Variants in DOK5 observed in about 807,000 individuals in gnomAD.
DOK5 encodes the protein downstream of tyrosine kinase 5.
Under a neutral mutation model 43.3 loss-of-function variants are expected in DOK5, and 27 were observed. The observed-to-expected ratio is 0.62, with a 90% CI of 0.46 to 0.86. The LOEUF is 0.86. DOK5 is among the 40% of genes least tolerant of loss of function. The pLI, the probability that DOK5 is intolerant of heterozygous loss-of-function variation, is 0.00. For synonymous variants in DOK5, 146 were observed against 140.1 expected (o/e 1.04, Z -0.30); for missense variants, 373 against 392.9 (o/e 0.95, Z 0.43).
intron 6 of DOK5, among the ~76,000 whole-genome samples, chr20:54,610,786 A>G (rs924430178): frequency 4.6e-5 from 7 of 152,356 alleles, no homozygotes; most frequent in Admixed American, 2.6e-4. Flanking sequence ...ACAGACATCT[A>G]TAGACACAAC....
chr20:54,601,703 T>C (rs1013279844), intron 5 of DOK5, among the ~76,000 whole-genome samples: 2 of 152,168 alleles, frequency 1.3e-5, no homozygotes, highest in Non-Finnish European at 2.9e-5. Flanking sequence ...GGCCACAGTG[T>C]GGCCCTGCAC....
chr20:54,598,820 A>G (rs1986221413), intron 5 of DOK5, among the ~76,000 whole-genome samples: 1 of 152,210 alleles, frequency 6.6e-6, no homozygotes, highest in Non-Finnish European at 1.5e-5. Flanking sequence ...GCGGTTTTTG[A>G]AAAAGATTTT....
At chr20:54,517,703 T>A (rs568878209) in intron 1 of DOK5, among the ~76,000 whole-genome samples, 105 of 152,258 alleles carry the variant, frequency 6.9e-4, no homozygotes, top group Admixed American at 1.6e-3. Flanking sequence ...AATGTGGAAA[T>A]CCTAACCCCC....
intron 1 of DOK5, among the ~76,000 whole-genome samples, chr20:54,505,023 C>T (rs921909919): frequency 1.3e-5 from 2 of 152,072 alleles, no homozygotes; most frequent in African/African-American, 4.8e-5. Context: ...CGGTGGCATT[C>T]CCCAAGTGGT....
At chr20:54,543,476 C>T (rs1444450618) in intron 1 of DOK5, among the ~76,000 whole-genome samples, 1 of 151,892 alleles carries the variant, frequency 6.6e-6, no homozygotes, top group East Asian at 1.9e-4. Context: ...GCAGGTAATT[C>T]TCAAAAGGTA....
intron 1 of DOK5, among the ~76,000 whole-genome samples, chr20:54,538,384 GA>G (rs1010625551): frequency 3.3e-5 from 5 of 152,000 alleles, no homozygotes; most frequent in Admixed American, 6.6e-5. Context: ...TGTCCTTCAG[GA>G]ATGAAGGGGA....
chr20:54,586,100 C>T (rs1432161057), intron 2 of DOK5, among the ~76,000 whole-genome samples: 1 of 152,172 alleles, frequency 6.6e-6, no homozygotes, highest in Admixed American at 6.5e-5. Flanking sequence ...CAGAGAAAGA[C>T]TCCATCTCAA....
At chr20:54,531,997 A>T (rs1983789902) in intron 1 of DOK5, among the ~76,000 whole-genome samples, 1 of 152,176 alleles carries the variant, frequency 6.6e-6, no homozygotes, top group Non-Finnish European at 1.5e-5. Context: ...TAATTGATTT[A>T]TGCAGCAAGC....
rs2904385 is a variant in DOK5 at position 54,618,848 on chromosome 20, T to C, written c.735+8325T>C. Among the ~76,000 whole-genome samples, 413 of 151,214 alleles carry C rather than the reference T, an allele frequency of 2.7e-3. 3 individuals carry two copies. The highest frequency in any genetic ancestry group is 9.4e-3 in the African/African-American group (386 of 41,248). On this transcript the variant is annotated intron_variant, in intron 6 of 7. Coordinates refer to ENST00000262593, the MANE Select transcript of DOK5 (RefSeq NM_018431.5). ...ACCTGGGAAACATAGGGAGACCCCA[T>C]CTCTAGAAATATTTAAAAATTAGCC...
At chr20:54,624,548 C>G (rs1371409558) in intron 6 of DOK5, among the ~76,000 whole-genome samples, 1 of 152,140 alleles carries the variant, frequency 6.6e-6, no homozygotes, top group Non-Finnish European at 1.5e-5. Flanking sequence ...AATACCAAGT[C>G]CAGTTCTCTC....
intron 1 of DOK5, among the ~76,000 whole-genome samples, chr20:54,530,840 A>G (rs906709164): frequency 6.6e-6 from 1 of 152,100 alleles, no homozygotes; most frequent in Non-Finnish European, 1.5e-5. Context: ...TACACCCATT[A>G]TTTCCCAAAT....
intron 2 of DOK5, among the ~76,000 whole-genome samples, chr20:54,579,222 T>C (rs564077149): frequency 5.9e-5 from 9 of 152,322 alleles, no homozygotes; most frequent in African/African-American, 1.9e-4. Flanking sequence ...ACTTTTCTTA[T>C]TACCATATTA....
intron 4 of DOK5, among the ~76,000 whole-genome samples, 163 bp downstream of exon 4, chr20:54,588,969 A>AT (rs1454842774): frequency 6.6e-6 from 1 of 152,114 alleles, no homozygotes; most frequent in African/African-American, 2.4e-5. Context: ...ATTTCAGTGT[A>AT]TTTTTTTCTT....
rs148068833 is a variant in DOK5, at chr20:54,584,081, C to G, written c.175-4402C>G. On this transcript the variant is annotated intron_variant, in intron 2 of 7. Coordinates refer to ENST00000262593, the MANE Select transcript of DOK5 (RefSeq NM_018431.5). ...AGGAGAATTGCTTGAACCCAGGAGG[C>G]AGAGGTTAGCTGAGATCACACCACT... is the stretch of plus-strand genomic sequence containing the variant. Among the ~76,000 whole-genome samples the G allele has an allele frequency of 9.0e-3, 1,364 of 152,052 alleles. 21 individuals carry two copies. The highest frequency in any genetic ancestry group is 0.032 in the African/African-American group (1,307 of 41,482).
At chr20:54,524,036 A>T (rs1450223806) in intron 1 of DOK5, among the ~76,000 whole-genome samples, 1 of 152,022 alleles carries the variant, frequency 6.6e-6, no homozygotes, top group African/African-American at 2.4e-5. Flanking sequence ...CGTTTGTTAA[A>T]TGGGGGTTAA....
chr20:54,617,888 T>G (rs1363231826), intron 6 of DOK5, among the ~76,000 whole-genome samples: 5 of 152,274 alleles, frequency 3.3e-5, no homozygotes, highest in Non-Finnish European at 7.3e-5. Flanking sequence ...ATAGCCACTG[T>G]TATTTTTCAG....
At chr20:54,605,062 C>CAT (rs1986430125) in intron 5 of DOK5, among the ~76,000 whole-genome samples, 1 of 149,738 alleles carries the variant, frequency 6.7e-6, no homozygotes, top group African/African-American at 2.5e-5. Flanking sequence ...CACACACACA[C>CAT]GTTGAGGTCA....
At chr20:54,536,160 CA>C (rs1483876728) in intron 1 of DOK5, among the ~76,000 whole-genome samples, 1 of 152,120 alleles carries the variant, frequency 6.6e-6, no homozygotes, top group Non-Finnish European at 1.5e-5. Context: ...AATCAGTAAG[CA>C]AAATAATTTA....
At chr20:54,590,870 TTAA>T (rs1985956889) in intron 4 of DOK5, among the ~76,000 whole-genome samples, 1 of 152,188 alleles carries the variant, frequency 6.6e-6, no homozygotes. Flanking sequence ...CAAAAACTTC[TTAA>T]TGAATTTTCC....
Sources: allele counts gnomAD v4.1 joint callset (sites outside exome capture counted in the v4.1 genomes callset), GRCh38; gene constraint gnomAD v4.1.1; transcripts MANE v1.5; gene names NCBI Gene and HGNC (gene_info 2026-07-23, HGNC 2026-07-21).